LIN9: variants seen among roughly 807,000 people sequenced by gnomAD.
The protein encoded by LIN9 is lin-9 DREAM MuvB core complex component, also known as protein lin-9 homolog.
LIN9 carries 18 observed loss-of-function variants against 78.0 expected under a neutral mutation model. The ratio of observed to expected loss-of-function variants is 0.23; its 90% CI spans 0.16 to 0.34. The LOEUF (loss-of-function observed/expected upper bound fraction) is 0.34, where lower values mean the gene tolerates loss of function less well. Among genes scored for constraint, LIN9 ranks in the 10% least tolerant of loss-of-function variants. The probability of loss-of-function intolerance (pLI) is 1.00; values close to 1 mark genes in which losing one functional copy is unlikely to be tolerated. For synonymous variants in LIN9, 192 were observed against 215.2 expected, an observed-to-expected ratio of 0.89 and a Z score of 0.94; for missense variants, 451 against 644.1, an observed-to-expected ratio of 0.70 and a Z score of 3.25.
intron 1 of LIN9, among the ~76,000 whole-genome samples, chr1:226,305,621 G>C (rs530151946): frequency 8.6e-5 from 13 of 151,814 alleles, no homozygotes; most frequent in African/African-American, 2.7e-4. Flanking sequence ...AGGGGGGTGT[G>C]GGGGGGTAGC....
chr1:226,280,194 A>G (rs1660953209), intron 6 of LIN9, among the ~76,000 whole-genome samples: 1 of 152,208 alleles, frequency 6.6e-6, no homozygotes, highest in Admixed American at 6.5e-5. Context: ...ATGCCATGTT[A>G]TGGCTTTCAC....
At chr1:226,233,299 G>C (rs781238148) in intron 13 of LIN9, 45 bp downstream of exon 13, 14 of 1,544,046 alleles carry the variant, frequency 9.1e-6, no homozygotes, top group East Asian at 2.3e-5. Context: ...AATTAGCGTG[G>C]GTTGCTTTGT....
chr1:226,271,671 G>C (rs1213793691), intron 7 of LIN9, among the ~76,000 whole-genome samples: 1 of 152,112 alleles, frequency 6.6e-6, no homozygotes, highest in Admixed American at 6.6e-5. Flanking sequence ...TTAATTACTG[G>C]AAGTGAGGTG....
At chr1:226,237,407 C>A (rs965773276) in intron 12 of LIN9, among the ~76,000 whole-genome samples, 1 of 151,542 alleles carries the variant, frequency 6.6e-6, no homozygotes, top group Non-Finnish European at 1.5e-5. Flanking sequence ...CTGAGGCAGG[C>A]GGATCACCTG....
chr1:226,303,940 T>C (rs1230134437), intron 1 of LIN9, among the ~76,000 whole-genome samples: 2 of 152,174 alleles, frequency 1.3e-5, no homozygotes, highest in Non-Finnish European at 2.9e-5. Context: ...GATAGCATAG[T>C]GGTTAAGAAA....
chr1:226,308,287 C>T (rs1663048423), intron 1 of LIN9, among the ~76,000 whole-genome samples: 1 of 152,178 alleles, frequency 6.6e-6, no homozygotes, highest in Admixed American at 6.5e-5. Context: ...AGTGAGCATA[C>T]ATGTCTTAGA....
chr1:226,254,512 C>T (rs1576296872), intron 10 of LIN9, among the ~76,000 whole-genome samples: 1 of 151,990 alleles, frequency 6.6e-6, no homozygotes, highest in Non-Finnish European at 1.5e-5. Flanking sequence ...AAATTAAGTA[C>T]TAAAATCAAA....
rs147361552 is a variant in LIN9, at chr1:226,240,502, C to T, written c.1120-1406G>A. On this transcript the variant is annotated intron_variant, in intron 11 of 14. Coordinates refer to ENST00000681046, the MANE Select transcript of LIN9 (RefSeq NM_001366245.2). ...CTCCTAAGCTCAAGCAATCCTTCTG[C>T]CTCAGCCTCTCAAGTAGGTGGGACT... 2.1e-3 allele frequency among the ~76,000 whole-genome samples: 323 copies of T among 152,042 alleles called. 1 individual carries two copies. Among genetic ancestry groups the T allele is most frequent in the African/African-American group, 7.2e-3 (298 of 41,462 alleles).
At chr1:226,287,355 A>G (rs1661436626) in intron 5 of LIN9, among the ~76,000 whole-genome samples, 1 of 152,192 alleles carries the variant, frequency 6.6e-6, no homozygotes, top group African/African-American at 2.4e-5. Context: ...CAATTATAAA[A>G]TGAATCTCAT....
chr1:226,292,434 G>A (rs551520386), intron 4 of LIN9, among the ~76,000 whole-genome samples: 17 of 151,692 alleles, frequency 1.1e-4, no homozygotes, highest in African/African-American at 1.7e-4. Flanking sequence ...TGCTACAGGC[G>A]GGCACCACTG....
intron 12 of LIN9, among the ~76,000 whole-genome samples, chr1:226,234,073 G>A (rs980999109): frequency 2.0e-5 from 3 of 152,154 alleles, no homozygotes; most frequent in East Asian, 1.9e-4. Context: ...TAGAAGGCAC[G>A]TGATGTTGAC....
rs1659861788 is a variant in LIN9 at position 226,265,739 on chromosome 1, T to A, written c.937-105A>T. On this transcript the variant is annotated intron_variant, in intron 9 of 14. Coordinates refer to ENST00000681046, the MANE Select transcript of LIN9 (RefSeq NM_001366245.2). The surrounding 1 kb of genome is among the most constrained non-coding windows in gnomAD (Gnocchi z 4.1). Reference sequence around the variant, plus strand: ...GACGGAGTCTCGCTCTGTTGCCACTTGTGATCTCGGCTCACTGCAATCTCT... The same window carrying A: ...GACGGAGTCTCGCTCTGTTGCCACTAGTGATCTCGGCTCACTGCAATCTCT... 1 of 591,212 alleles carries A rather than the reference T, an allele frequency of 1.7e-6. No homozygotes were observed. The highest frequency in any genetic ancestry group is 2.9e-6 in the Non-Finnish European group (1 of 343,986). The allele number at this position is 591,212 out of a possible 1,614,324, so 36.6% of individuals were successfully genotyped here. A position where few individuals can be genotyped will look rare whatever the true frequency, so the allele number is the denominator to read the frequency against.
At position 226,297,806 on chromosome 1, in the gene LIN9, G is replaced by A; in HGVS notation, c.72C>T (p.Ser24=). 6.4e-7 allele frequency: 1 copy of A among 1,568,048 alleles called. No individual in the cohort carries two copies. The highest frequency in any genetic ancestry group is 1.2e-5 in the South Asian group (1 of 82,404). The change falls in exon 3 of 15, where the codon AGC becomes AGT. Residue 24 remains serine (S), a synonymous_variant. Coordinates refer to ENST00000681046, the MANE Select transcript of LIN9 (RefSeq NM_001366245.2). ...AKALVSLKEG[S]LSNTWNEKYS... is the part of the protein sequence containing the mutation. Reference sequence around the variant, plus strand: ...ACTTTTCATTCCACGTGTTAGATAAGCTTCCTTCTGTAATAAATAGTTAAT... The same window carrying A: ...ACTTTTCATTCCACGTGTTAGATAAACTTCCTTCTGTAATAAATAGTTAAT...
At chr1:226,252,251 A>G (rs1031616846) in intron 10 of LIN9, among the ~76,000 whole-genome samples, 3 of 151,778 alleles carry the variant, frequency 2.0e-5, no homozygotes, top group Non-Finnish European at 4.4e-5. Flanking sequence ...ACCGCACTCC[A>G]GCCTGGGCAA....
chr1:226,242,908 T>TTAG (rs1553275064), intron 11 of LIN9, among the ~76,000 whole-genome samples: 5 of 151,786 alleles, frequency 3.3e-5, no homozygotes, highest in African/African-American at 4.8e-5. Flanking sequence ...TATGATTTTC[T>TTAG]TAACATTTCC....
At chr1:226,278,166 C>T (rs1263241107) in intron 6 of LIN9, among the ~76,000 whole-genome samples, 1 of 152,026 alleles carries the variant, frequency 6.6e-6, no homozygotes, top group African/African-American at 2.4e-5. Flanking sequence ...TGGTGGCTCA[C>T]GCCTGTTATC....
In LIN9 at chr1:226,297,721, T is replaced by C. The variant is rs374637820; in HGVS notation, c.157A>G (p.Met53Val). 1 of 1,567,962 alleles carries C rather than the reference T, an allele frequency of 6.4e-7. No individual in the cohort carries two copies. The highest frequency in any genetic ancestry group is 1.4e-5 in the African/African-American group (1 of 73,084). Residue 53 changes from methionine to valine, a missense_variant and splice_region_variant, in exon 3 of 15, where the codon ATG becomes GTG. Met to Val is a conservative substitution (Grantham distance 21). Transcript: ENST00000681046. ...KGRNTSSAVEMPFRNSKRSRL... is the reference protein window; with the variant it reads ...KGRNTSSAVEVPFRNSKRSRL... ...TGTAAGAAAAACTCACTCCTTACCA[T>C]TTCCACAGCAGAGCTTGTATTCCTG... is the stretch of plus-strand genomic sequence containing the variant.
intron 10 of LIN9, among the ~76,000 whole-genome samples, chr1:226,251,894 G>A (rs550658361): frequency 1.9e-4 from 29 of 152,282 alleles, no homozygotes; most frequent in African/African-American, 6.7e-4. Context: ...AACACAGTGA[G>A]AGCAAGTCTG....
intron 11 of LIN9, among the ~76,000 whole-genome samples, chr1:226,244,426 C>T (rs1383296745): frequency 2.6e-5 from 4 of 151,812 alleles, no homozygotes; most frequent in Non-Finnish European, 5.9e-5. Context: ...AGCAAGACTC[C>T]GTCTCAAAAA....
Sources: allele counts gnomAD v4.1 joint callset (sites outside exome capture counted in the v4.1 genomes callset), GRCh38; gene constraint gnomAD v4.1.1; non-coding constraint Gnocchi (gnomAD v3.1); transcripts MANE v1.5; gene names NCBI Gene and HGNC (gene_info 2026-07-23, HGNC 2026-07-21).